DVL3: variants seen among roughly 807,000 people sequenced by gnomAD.
DVL3 encodes segment polarity protein dishevelled homolog DVL-3.
Under a neutral mutation model 67.4 loss-of-function variants are expected in DVL3, and 27 were observed. The ratio of observed to expected loss-of-function variants is 0.40; its 90% CI spans 0.30 to 0.55. The LOEUF is 0.55. DVL3 is among the 20% of genes least tolerant of loss of function. The pLI, the probability that DVL3 is intolerant of heterozygous loss-of-function variation, is 0.46. For synonymous variants in DVL3, 369 were observed against 396.8 expected (o/e 0.93, Z 0.83); for missense variants, 819 against 1,021.5 (o/e 0.80, Z 2.70).
chr3:184,163,866 AC>A lies in DVL3; in HGVS notation c.231+144del. 1 of 730,238 alleles carries A rather than the reference AC, an allele frequency of 1.4e-6. No homozygotes were observed. 45.2% of individuals were successfully genotyped at this position (730,238 alleles called of 1,614,324 possible). ...TAGTTTTGCAAATGAACTGCTTCTC[AC>A]CCCAGATTCTGTAACCTTTGATGAA... On this transcript the variant is annotated intron_variant, in intron 2 of 14. Transcript: ENST00000313143. The surrounding 1 kb of genome is among the most constrained non-coding windows in gnomAD (Gnocchi z 4.5).
At chr3:184,157,711 C>A (rs2109017890) in intron 1 of DVL3, among the ~76,000 whole-genome samples, 1 of 152,254 alleles carries the variant, frequency 6.6e-6, no homozygotes, top group Non-Finnish European at 1.5e-5. Context: ...ATCTGTGTGC[C>A]ACCTGAAGCC....
Position 184,155,765 on chromosome 3 carries a change from T to C in DVL3, c.130T>C (p.Phe44Leu). Residue 44 changes from phenylalanine to leucine, a missense_variant, in exon 1 of 15, where the codon TTC becomes CTC. By Grantham distance (22) the Phe-to-Leu change is conservative. Around this residue, in one of 3 missense-constraint regions of DVL3, gnomAD observed 385 missense variants for 486.8 expected, o/e 0.79. Transcript: ENST00000313143. The surrounding 1 kb of genome is among the most constrained non-coding windows in gnomAD (Gnocchi z 5.4). Reference sequence around the variant, plus strand: ...CGTTTTGCAGCGACCCAGCTATAAGTTCTTCTTCAAGTCTATGGACGACGA... The same window carrying C: ...CGTTTTGCAGCGACCCAGCTATAAGCTCTTCTTCAAGTCTATGGACGACGA... ...KGVLQRPSYK[F>L]FFKSMDDDFG... 1 of 1,612,672 alleles carries C rather than the reference T, an allele frequency of 6.2e-7. No homozygotes were observed. Among genetic ancestry groups the C allele is most frequent in the Non-Finnish European group, 8.5e-7 (1 of 1,179,606 alleles).
chr3:184,171,872 G>C lies in DVL3; in HGVS notation c.*1117G>C, dbSNP rs1714855928. The C allele has an allele frequency of 6.5e-6, 1 of 153,280 alleles. No homozygotes were observed. The highest frequency in any genetic ancestry group is 1.5e-5 in the Non-Finnish European group (1 of 68,382). 9.5% of individuals were successfully genotyped at this position (153,280 alleles called of 1,614,324 possible). Reference sequence around the variant, plus strand: ...CTCTCTCACTCATGTATGCATACATGCACAGAGATGCATACACAGGTGCCT... The same window carrying C: ...CTCTCTCACTCATGTATGCATACATCCACAGAGATGCATACACAGGTGCCT... On this transcript the variant is annotated 3_prime_UTR_variant, in exon 15 of 15. Coordinates refer to ENST00000313143, the MANE Select transcript of DVL3 (RefSeq NM_004423.4).
At chr3:184,156,284 T>C (rs375073049) in intron 1 of DVL3, 1 of 455,528 alleles carries the variant, frequency 2.2e-6, no homozygotes, top group East Asian at 6.9e-5. Flanking sequence ...GCTGGGACTT[T>C]GAGCTGGGGG....
chr3:184,168,159 G>C, intron 13 of DVL3, 94 bp downstream of exon 13: 2 of 1,441,430 alleles, frequency 1.4e-6, no homozygotes, highest in Middle Eastern at 1.8e-4. Flanking sequence ...ACCCAAACTG[G>C]GGGACAGCAG....
In DVL3 at chr3:184,170,279, G is replaced by A; in HGVS notation, c.1715-40G>A. The stretch of plus-strand genomic sequence containing the variant: ...GGTGGGCCCCAGGCTTCCCCCGCCC[G>A]CTCAGCCTGCCCCACCCCGGCCCTG... On this transcript the variant is annotated intron_variant, in intron 14 of 14. Coordinates refer to ENST00000313143, the MANE Select transcript of DVL3 (RefSeq NM_004423.4). This position sits in a 1 kb window ranked among gnomAD's most constrained non-coding sequence, Gnocchi z 6.5. 3.1e-6 allele frequency: 5 copies of A among 1,591,972 alleles called. No individual in the cohort carries two copies. Among genetic ancestry groups the A allele is most frequent in the South Asian group, 1.1e-5 (1 of 88,840 alleles).
At chr3:184,160,940 T>C (rs1480184528) in intron 1 of DVL3, among the ~76,000 whole-genome samples, 4 of 152,202 alleles carry the variant, frequency 2.6e-5, no homozygotes, top group Non-Finnish European at 4.4e-5. Flanking sequence ...CTACACTTTC[T>C]GCCATGGTGG....
intron 1 of DVL3, among the ~76,000 whole-genome samples, chr3:184,156,115 G>C (rs561805896): frequency 6.6e-6 from 1 of 151,924 alleles, no homozygotes; most frequent in South Asian, 2.1e-4. Context: ...CCTCCACCTA[G>C]TTTCAGAGCC....
In DVL3 at chr3:184,164,053, C is replaced by T. The variant is rs1197571485; in HGVS notation, c.232-214C>T. On this transcript the variant is annotated intron_variant, in intron 2 of 14. Coordinates refer to ENST00000313143, the MANE Select transcript of DVL3 (RefSeq NM_004423.4). This position sits in a 1 kb window ranked among gnomAD's most constrained non-coding sequence, Gnocchi z 5.3. ...AGCCTTGTTCTTTGTCCCCATTCCA[C>T]TTCACCACCCCATGCCTTCCAACAA... Among the ~76,000 whole-genome samples the T allele has an allele frequency of 1.3e-5, 2 of 152,140 alleles. No individual in the cohort carries two copies. The highest frequency in any genetic ancestry group is 4.8e-5 in the African/African-American group (2 of 41,434).
chr3:184,156,581 T>TG, intron 1 of DVL3: 1 of 414,126 alleles, frequency 2.4e-6, no homozygotes, highest in Non-Finnish European at 4.8e-6. Context: ...CCCTCCCTGG[T>TG]GGGGTCTTCC....
chr3:184,164,785 A>G lies in DVL3; in HGVS notation c.464-11A>G. On this transcript the variant is annotated splice_polypyrimidine_tract_variant and intron_variant, in intron 4 of 14. Coordinates refer to ENST00000313143, the MANE Select transcript of DVL3 (RefSeq NM_004423.4). This position sits in a 1 kb window ranked among gnomAD's most constrained non-coding sequence, Gnocchi z 5.3. ...GCACTGTGTAAACCCAACTGCTTCC[A>G]TCCCCTGCAGCAACCCGGCTAAATG... The G allele has an allele frequency of 6.2e-7, 1 of 1,614,066 alleles. No homozygotes were observed. The highest frequency in any genetic ancestry group is 8.5e-7 in the Non-Finnish European group (1 of 1,179,996).
Position 184,166,303 on chromosome 3 carries a change from G to C in DVL3, c.903+38G>C. 6.2e-7 allele frequency: 1 copy of C among 1,608,116 alleles called. No homozygotes were observed. Among genetic ancestry groups the C allele is most frequent in the Non-Finnish European group, 8.5e-7 (1 of 1,176,532 alleles). ...ATCCTAGGCGGTGGTGTGGATAGAG[G>C]GCAGGGAGGTGTCCTACCATCTGTA... is the stretch of plus-strand genomic sequence containing the variant. On this transcript the variant is annotated intron_variant, in intron 8 of 14. Transcript: ENST00000313143. This position sits in a 1 kb window ranked among gnomAD's most constrained non-coding sequence, Gnocchi z 6.7.
intron 13 of DVL3, among the ~76,000 whole-genome samples, chr3:184,169,611 C>T (rs1313126047): frequency 6.6e-6 from 1 of 152,140 alleles, no homozygotes; most frequent in Non-Finnish European, 1.5e-5. Flanking sequence ...TCGCTTAAAC[C>T]AGGGAGGAAG....
At position 184,155,597 on chromosome 3, in the gene DVL3, G is replaced by C; in HGVS notation, c.-39G>C. 8.4e-7 allele frequency: 1 copy of C among 1,183,818 alleles called. No individual in the cohort carries two copies. The highest frequency in any genetic ancestry group is 1.1e-6 in the Non-Finnish European group (1 of 949,898). The allele number at this position is 1,183,818 out of a possible 1,614,324, so 73.3% of individuals were successfully genotyped here. A position where few individuals can be genotyped will look rare whatever the true frequency, so the allele number is the denominator to read the frequency against. On this transcript the variant is annotated 5_prime_UTR_variant, in exon 1 of 15. Transcript: ENST00000313143. The surrounding 1 kb of genome is among the most constrained non-coding windows in gnomAD (Gnocchi z 5.4). ...TGGGAGGCTCGGCCCGGCCGCCCGAGCAGGCCGCGCGCGGGCCGCCGGGCC... is the reference window on the plus strand; with the variant it reads ...TGGGAGGCTCGGCCCGGCCGCCCGACCAGGCCGCGCGCGGGCCGCCGGGCC...
rs569966552 is a variant in DVL3, at chr3:184,168,318, C to A, written c.1498+253C>A. On this transcript the variant is annotated intron_variant, in intron 13 of 14. Coordinates refer to ENST00000313143, the MANE Select transcript of DVL3 (RefSeq NM_004423.4). ...ACCATGTTGGTTGTTCCTAAAGCAT[C>A]ATCTTACTCAATATTCACAACCTCC... Among the ~76,000 whole-genome samples the A allele has an allele frequency of 4.6e-5, 7 of 152,336 alleles. No homozygotes were observed. In the East Asian group the frequency reaches 1.3e-3, roughly 29 times the overall value.
rs775113252 is a variant in DVL3, at chr3:184,170,711, A to G, written c.2107A>G (p.Met703Val). The part of the protein sequence containing the change: ...ELTASRQSFR[M>V]AMGNPSEFFV... ...GACCGCCAGCAGACAGTCCTTCCGCATGGCCATGGGAAACCCCAGTGAGTT... is the reference window on the plus strand; with the variant it reads ...GACCGCCAGCAGACAGTCCTTCCGCGTGGCCATGGGAAACCCCAGTGAGTT... Residue 703 changes from methionine (M) to valine (V), a missense_variant, in exon 15 of 15, where the codon ATG becomes GTG. Met to Val is a conservative substitution (Grantham distance 21). Coordinates refer to ENST00000313143, the MANE Select transcript of DVL3 (RefSeq NM_004423.4). The surrounding 1 kb of genome is among the most constrained non-coding windows in gnomAD (Gnocchi z 6.5). 27 of 1,613,062 alleles carry G rather than the reference A, an allele frequency of 1.7e-5. No individual in the cohort carries two copies. Among genetic ancestry groups the G allele is most frequent in the Non-Finnish European group, 2.3e-5 (27 of 1,179,866 alleles).
Position 184,155,593 on chromosome 3 carries a change from C to T in DVL3, c.-43C>T, listed in dbSNP as rs1413800282. On this transcript the variant is annotated 5_prime_UTR_variant, in exon 1 of 15. Coordinates refer to ENST00000313143, the MANE Select transcript of DVL3 (RefSeq NM_004423.4). This position sits in a 1 kb window ranked among gnomAD's most constrained non-coding sequence, Gnocchi z 5.4. ...CGTCTGGGAGGCTCGGCCCGGCCGC[C>T]CGAGCAGGCCGCGCGCGGGCCGCCG... 21 of 1,148,290 alleles carry T rather than the reference C, an allele frequency of 1.8e-5. No homozygotes were observed. The highest frequency in any genetic ancestry group is 2.3e-5 in the Non-Finnish European group (21 of 930,002). 71.1% of individuals were successfully genotyped at this position (1,148,290 alleles called of 1,614,324 possible). A position where few individuals can be genotyped will look rare whatever the true frequency, so the allele number is the denominator to read the frequency against.
chr3:184,156,155 G>C (rs1239724214), intron 1 of DVL3, among the ~76,000 whole-genome samples: 2 of 152,214 alleles, frequency 1.3e-5, no homozygotes, highest in East Asian at 3.9e-4. Flanking sequence ...CTGCCGAGGA[G>C]CCAGAGCCAC....
chr3:184,162,560 C>CTTTTT (rs35869796), intron 1 of DVL3, among the ~76,000 whole-genome samples: 22 of 123,540 alleles, frequency 1.8e-4, no homozygotes, highest in Admixed American at 2.7e-4. Context: ...TTTTTCTTTT[C>CTTTTT]TTTTTTTTTT....
Sources: gnomAD v4.1 joint callset for allele counts (sites outside exome capture counted in the v4.1 genomes callset) on GRCh38, gnomAD v4.1.1 for gene constraint, gnomAD v4.1.1 regional missense constraint, Gnocchi (gnomAD v3.1) non-coding constraint, MANE v1.5 for transcripts, NCBI Gene and HGNC (gene_info 2026-07-23, HGNC 2026-07-21) for gene names.